NAALADL2: variants seen among roughly 807,000 people sequenced by gnomAD.
NAALADL2 encodes N-acetylated alpha-linked acidic dipeptidase like 2, also known as inactive N-acetylated-alpha-linked acidic dipeptidase-like protein 2.
NAALADL2 carries 76 observed loss-of-function variants against 87.2 expected under a neutral mutation model. That is an observed-to-expected ratio of 0.87 (90% confidence interval 0.72 to 1.05). The LOEUF is 1.05. Ranked by LOEUF, NAALADL2 falls within the 50% of genes least tolerant of loss-of-function variation. The pLI is 0.00. For synonymous variants in NAALADL2, 354 were observed against 331.0 expected, an observed-to-expected ratio of 1.07 and a Z score of -0.75; for missense variants, 1,089 against 945.8, an observed-to-expected ratio of 1.15 and a Z score of -1.99.
chr3:175,082,777 G>A lies in NAALADL2; in HGVS notation c.44-14013G>A, dbSNP rs555227530. ...GCATCTGTTTTTGTCCTAAAAATAAGCATAGCTTTCTTTTACATAGGCTTG... is the reference window on the plus strand; with the variant it reads ...GCATCTGTTTTTGTCCTAAAAATAAACATAGCTTTCTTTTACATAGGCTTG... On this transcript the variant is annotated intron_variant, in intron 1 of 13. Coordinates refer to ENST00000454872, the MANE Select transcript of NAALADL2 (RefSeq NM_207015.3). 1.7e-4 allele frequency among the ~76,000 whole-genome samples: 26 copies of A among 152,256 alleles called. No homozygotes were observed. In the East Asian group the frequency reaches 4.4e-3, roughly 26 times the overall value.
At chr3:175,110,179 G>T (rs1463368281) in intron 2 of NAALADL2, among the ~76,000 whole-genome samples, 9 of 151,682 alleles carry the variant, frequency 5.9e-5, no homozygotes, top group Non-Finnish European at 1.5e-5. Context: ...TGATTCTTCA[G>T]TCCTATTCTA....
At chr3:175,357,111 T>C (rs549993583) in intron 5 of NAALADL2, among the ~76,000 whole-genome samples, 2 of 152,266 alleles carry the variant, frequency 1.3e-5, no homozygotes, top group Admixed American at 6.5e-5. Flanking sequence ...CCTTTAAACA[T>C]TTTTATATCC....
intron 1 of NAALADL2, among the ~76,000 whole-genome samples, chr3:174,503,753 A>G (rs1273766643): frequency 6.6e-6 from 1 of 152,146 alleles, no homozygotes; most frequent in Non-Finnish European, 1.5e-5. Flanking sequence ...GTCTTCTAAT[A>G]TAAGAAGAAC....
intron 10 of NAALADL2, among the ~76,000 whole-genome samples, chr3:175,607,579 C>A (rs1723945511): frequency 6.6e-6 from 1 of 152,002 alleles, no homozygotes; most frequent in Non-Finnish European, 1.5e-5. Flanking sequence ...TTACTAGTTC[C>A]TGTTTTTTCA....
chr3:174,606,144 G>C (rs372136828), intron 2 of NAALADL2, among the ~76,000 whole-genome samples: 1 of 152,154 alleles, frequency 6.6e-6, no homozygotes, highest in Admixed American at 6.5e-5. Context: ...AAACAGAAAG[G>C]ACATCCACAC....
rs1399627987 is a variant in NAALADL2 at position 175,340,837 on chromosome 3, C to A, written c.1090+16512C>A. On this transcript the variant is annotated intron_variant, in intron 5 of 13. Transcript: ENST00000454872. ...GCACAAGGAGACAAAACAAAGAGTC[C>A]CTCTATTGGAGAAGCCAAAGATCCA... Among the ~76,000 whole-genome samples the A allele has an allele frequency of 2.0e-5, 3 of 152,032 alleles. No homozygotes were observed. In the East Asian group the frequency reaches 5.8e-4, roughly 29 times the overall value.
At position 174,689,598 on chromosome 3, in the gene NAALADL2, TCTC is replaced by T. The variant is rs553393271; in HGVS notation, c.-114-48039_-114-48037del. On this transcript the variant is annotated intron_variant, in intron 2 of 3. Transcript: ENST00000434257. ...CCCTAGATGAAAATCTCCAGGTAGTTCTCCTCTATATTATAGTTTGCGAAGGGC... is the reference window on the plus strand; with the variant it reads ...CCCTAGATGAAAATCTCCAGGTAGTTCTCTATATTATAGTTTGCGAAGGGC... 2.7e-3 allele frequency among the ~76,000 whole-genome samples: 416 copies of T among 152,110 alleles called. 1 individual carries two copies. The highest frequency in any genetic ancestry group is 9.8e-3 in the African/African-American group (406 of 41,500).
At chr3:175,079,983 T>TTTTTTTA (rs1717428758) in intron 1 of NAALADL2, among the ~76,000 whole-genome samples, 3 of 151,966 alleles carry the variant, frequency 2.0e-5, no homozygotes, top group African/African-American at 7.3e-5. Context: ...TTTTTTTTTT[T>TTTTTTTA]GAGATGGAGT....
At chr3:175,069,809 A>G (rs1715261634) in intron 1 of NAALADL2, among the ~76,000 whole-genome samples, 1 of 150,570 alleles carries the variant, frequency 6.6e-6, no homozygotes, top group Non-Finnish European at 1.5e-5. Context: ...TGGCACATAT[A>G]CACCATGGAA....
intron 9 of NAALADL2, among the ~76,000 whole-genome samples, chr3:175,506,924 G>A (rs1033786423): frequency 3.3e-5 from 5 of 152,006 alleles, no homozygotes; most frequent in Non-Finnish European, 7.4e-5. Flanking sequence ...TTTAGAGGGG[G>A]AAATGACATG....
intron 3 of NAALADL2, among the ~76,000 whole-genome samples, chr3:174,785,141 G>A (rs1471854026): frequency 6.6e-6 from 1 of 152,184 alleles, no homozygotes; most frequent in African/African-American, 2.4e-5. Context: ...AGTCAGCACA[G>A]TGTACAACAG....
intron 4 of NAALADL2, among the ~76,000 whole-genome samples, chr3:175,290,387 AAAAGC>A (rs1245135922): frequency 6.6e-6 from 1 of 152,222 alleles, no homozygotes; most frequent in East Asian, 1.9e-4. Context: ...AAAATTTAGA[AAAAGC>A]AAATCTAATC....
intron 5 of NAALADL2, among the ~76,000 whole-genome samples, chr3:175,408,959 T>C (rs1712941941): frequency 6.6e-6 from 1 of 151,974 alleles, no homozygotes; most frequent in Admixed American, 6.5e-5. Flanking sequence ...ATTCATTTTC[T>C]TGGGTTTTAT....
intron 2 of NAALADL2, among the ~76,000 whole-genome samples, chr3:174,731,808 C>A (rs562928399): frequency 6.6e-6 from 1 of 152,198 alleles, no homozygotes; most frequent in South Asian, 2.1e-4. Flanking sequence ...ATTATCAAAC[C>A]ACAATGCTTA....
At chr3:175,224,072 C>T (rs1743806066) in intron 2 of NAALADL2, among the ~76,000 whole-genome samples, 1 of 151,982 alleles carries the variant, frequency 6.6e-6, no homozygotes, top group African/African-American at 2.4e-5. Context: ...AGAGAGTTGG[C>T]GGCTCTACAG....
chr3:174,747,911 C>T (rs1203169493), intron 3 of NAALADL2, among the ~76,000 whole-genome samples: 2 of 152,108 alleles, frequency 1.3e-5, no homozygotes, highest in Admixed American at 1.3e-4. Context: ...AGACTCAACC[C>T]AAATGCCCAT....
At chr3:175,093,555 T>G (rs1163581311) in intron 1 of NAALADL2, among the ~76,000 whole-genome samples, 2 of 148,366 alleles carry the variant, frequency 1.3e-5, no homozygotes, top group Non-Finnish European at 3.0e-5. Context: ...TATATGTATA[T>G]AATACATTTA....
chr3:174,766,409 C>T (rs1026937251), intron 3 of NAALADL2, among the ~76,000 whole-genome samples: 5 of 152,298 alleles, frequency 3.3e-5, no homozygotes, highest in Middle Eastern at 3.4e-3. Context: ...CAGTGTATCG[C>T]TCAGGCTCTT....
At chr3:174,694,865 C>A (rs1448267695) in intron 2 of NAALADL2, among the ~76,000 whole-genome samples, 1 of 151,886 alleles carries the variant, frequency 6.6e-6, no homozygotes, top group South Asian at 2.1e-4. Flanking sequence ...TAAGTACTGC[C>A]CATTAATATT....
Sources: allele counts gnomAD v4.1 joint callset (sites outside exome capture counted in the v4.1 genomes callset), GRCh38; gene constraint gnomAD v4.1.1; transcripts MANE v1.5; gene names NCBI Gene and HGNC (gene_info 2026-07-23, HGNC 2026-07-21).